Variants in SDK1 observed in about 807,000 individuals in gnomAD.
SDK1 encodes sidekick cell adhesion molecule 1, also known as protein sidekick-1.
SDK1 carries 157 observed loss-of-function variants against 245.5 expected under a neutral mutation model. That is an observed-to-expected ratio of 0.64 (90% CI 0.56 to 0.73). SDK1 has a LOEUF of 0.73. Ranked by LOEUF, SDK1 falls within the 30% of genes least tolerant of loss-of-function variation. The pLI is 0.00. For synonymous variants in SDK1, 1,647 were observed against 1,278.5 expected (o/e 1.29, Z -6.15); for missense variants, 3,583 against 3,002.3 (o/e 1.19, Z -4.52).
intron 2 of SDK1, among the ~76,000 whole-genome samples, chr7:3,622,461 A>G (rs1226623366): frequency 1.3e-5 from 2 of 152,260 alleles, no homozygotes; most frequent in East Asian, 1.9e-4. Flanking sequence ...AGCCTGGGCT[A>G]CAGAGTGAGA....
chr7:3,683,093 G>A lies in SDK1; in HGVS notation c.713+40988G>A, dbSNP rs147840314. Among the ~76,000 whole-genome samples, 297 of 152,256 alleles carry A rather than the reference G, an allele frequency of 2.0e-3. 1 individual carries two copies. Among genetic ancestry groups the A allele is most frequent in the African/African-American group, 6.9e-3 (285 of 41,554 alleles). On this transcript the variant is annotated intron_variant, in intron 4 of 44. Coordinates refer to ENST00000404826, the MANE Select transcript of SDK1 (RefSeq NM_152744.4). ...AGTGATTTTCAGGCACAGTATTACC[G>A]AGCAAGGCATTTACGCTGAGTGGAT...
chr7:3,575,974 A>T (rs1302166832), intron 1 of SDK1, among the ~76,000 whole-genome samples: 1 of 152,024 alleles, frequency 6.6e-6, no homozygotes, highest in Admixed American at 6.6e-5. Flanking sequence ...CAGTGATTGA[A>T]TGGGCTTTCT....
chr7:3,920,496 C>G (rs1779548399), intron 5 of SDK1, among the ~76,000 whole-genome samples: 1 of 151,890 alleles, frequency 6.6e-6, no homozygotes, highest in African/African-American at 2.4e-5. Context: ...GCTGGAGTGA[C>G]TAGAGGAGTG....
chr7:3,861,806 T>C lies in SDK1; in HGVS notation c.847+40223T>C, dbSNP rs1038985196. 1.1e-4 allele frequency among the ~76,000 whole-genome samples: 17 copies of C among 152,126 alleles called. 1 individual carries two copies. The highest frequency in any genetic ancestry group is 1.8e-4 in the Non-Finnish European group (12 of 68,016). On this transcript the variant is annotated intron_variant, in intron 5 of 44. Coordinates refer to ENST00000404826, the MANE Select transcript of SDK1 (RefSeq NM_152744.4). ...CCTCTCCCGTCAATGTGAACCTAAG[T>C]TGAAAAAAGAAAACAATTAAGAGGA...
rs182388107 is a variant in SDK1 at position 3,503,817 on chromosome 7, C to G, written c.299-115263C>G. ...TCGAAGATGTAAGTAAATGGAAAGG[C>G]GTGATGTGTTTATGGATTGGAAGAC... On this transcript the variant is annotated intron_variant, in intron 1 of 44. Coordinates refer to ENST00000404826, the MANE Select transcript of SDK1 (RefSeq NM_152744.4). Among the ~76,000 whole-genome samples the G allele has an allele frequency of 2.6e-5, 4 of 151,876 alleles. No individual in the cohort carries two copies. In the South Asian group the frequency reaches 6.2e-4, roughly 24 times the overall value.
chr7:3,858,600 A>G (rs1051837056), intron 5 of SDK1, among the ~76,000 whole-genome samples: 1 of 151,972 alleles, frequency 6.6e-6, no homozygotes, highest in South Asian at 2.1e-4. Context: ...TATAAGACCC[A>G]GGGTTTTTTG....
intron 35 of SDK1, among the ~76,000 whole-genome samples, chr7:4,197,751 G>A (rs544180402): frequency 5.9e-5 from 9 of 152,284 alleles, no homozygotes; most frequent in African/African-American, 1.7e-4. Context: ...CCTTCCCCTC[G>A]AGGACCAGAG....
intron 4 of SDK1, among the ~76,000 whole-genome samples, chr7:3,762,332 C>A (rs1361387460): frequency 6.6e-6 from 1 of 152,224 alleles, no homozygotes; most frequent in Non-Finnish European, 1.5e-5. Context: ...ACTGCACCTG[C>A]TGCAGCGCTT....
intron 2 of SDK1, among the ~76,000 whole-genome samples, chr7:3,630,103 A>G (rs1268950654): frequency 1.3e-5 from 2 of 152,210 alleles, no homozygotes; most frequent in African/African-American, 2.4e-5. Context: ...AAAAAAAATC[A>G]AACATAATGA....
At chr7:3,801,812 C>T (rs1357672723) in intron 4 of SDK1, among the ~76,000 whole-genome samples, 2 of 152,184 alleles carry the variant, frequency 1.3e-5, no homozygotes, top group Non-Finnish European at 2.9e-5. Flanking sequence ...TGGGTTTTCT[C>T]ACCTCCGTCT....
At chr7:3,651,356 G>A (rs7776767) in intron 4 of SDK1, among the ~76,000 whole-genome samples, 43,640 of 151,854 alleles carry the variant, frequency 0.29, 7,019 homozygotes, top group African/African-American at 0.42. Context: ...CTCTTAATGT[G>A]CTGATTTTAA....
chr7:3,702,484 C>G (rs889216681), intron 4 of SDK1, among the ~76,000 whole-genome samples: 1 of 152,216 alleles, frequency 6.6e-6, no homozygotes, highest in East Asian at 1.9e-4. Context: ...AAGCACCCCT[C>G]TCCCCCTCCA....
chr7:4,101,393 C>T (rs920490159), intron 22 of SDK1, among the ~76,000 whole-genome samples: 6 of 152,154 alleles, frequency 3.9e-5, no homozygotes, highest in East Asian at 3.9e-4. Context: ...ATGATCCACC[C>T]GCCTTGGCCT....
intron 1 of SDK1, among the ~76,000 whole-genome samples, chr7:3,514,804 C>G (rs1012657779): frequency 1.3e-5 from 2 of 152,192 alleles, no homozygotes; most frequent in African/African-American, 4.8e-5. Context: ...ATTTGTATTA[C>G]TAAAGAGAAA....
rs1259451449 is a variant in SDK1 at position 4,248,599 on chromosome 7, TAC to T, written c.6381+2800_6381+2801del. ...ACATGCACACACATGCATACTTAAA[TAC>T]ACACAAACATGCACATACCTAAATA... On this transcript the variant is annotated intron_variant, in intron 44 of 44. Transcript: ENST00000404826. Among the ~76,000 whole-genome samples, 14 of 151,804 alleles carry T rather than the reference TAC, an allele frequency of 9.2e-5. No homozygotes were observed. The South Asian group carries it at 2.3e-3, about 25-fold the overall frequency.
intron 1 of SDK1, among the ~76,000 whole-genome samples, chr7:3,336,968 T>A (rs987459840): frequency 6.6e-6 from 1 of 152,166 alleles, no homozygotes; most frequent in Non-Finnish European, 1.5e-5. Context: ...ACTAAAAGAT[T>A]AAATTTGATC....
intron 44 of SDK1, among the ~76,000 whole-genome samples, chr7:4,250,736 C>T (rs923647544): frequency 1.3e-5 from 2 of 152,134 alleles, no homozygotes; most frequent in African/African-American, 4.8e-5. Context: ...CAATTATGTC[C>T]CTCCTAGTCC....
intron 28 of SDK1, among the ~76,000 whole-genome samples, chr7:4,139,385 ACGTGTGTGTGTATATGTGTGTGTG>A (rs2128203832): frequency 6.6e-6 from 1 of 151,332 alleles, no homozygotes; most frequent in East Asian, 2.0e-4. Flanking sequence ...GTATATATGT[ACGTGTGTGTGTATATGTGTGTGTG>A]TATATGTGTG....
At chr7:3,478,946 A>G (rs1005567088) in intron 1 of SDK1, among the ~76,000 whole-genome samples, 1 of 152,178 alleles carries the variant, frequency 6.6e-6, no homozygotes, top group Non-Finnish European at 1.5e-5. Context: ...GATTATTTAG[A>G]AATGTGTTTT....
Sources: gnomAD v4.1 joint callset for allele counts (sites outside exome capture counted in the v4.1 genomes callset) on GRCh38, gnomAD v4.1.1 for gene constraint, MANE v1.5 for transcripts, NCBI Gene and HGNC (gene_info 2026-07-23, HGNC 2026-07-21) for gene names.